The following LMO7 variants were observed in gnomAD, a reference collection of about 807,000 sequenced individuals.
The protein encoded by LMO7 is LIM domain 7, also known as LIM domain only protein 7.
In LMO7, 120 loss-of-function variants were observed where a neutral mutation model predicts 206.5. That is an observed-to-expected ratio of 0.58 (90% CI 0.50 to 0.68). The LOEUF is 0.68. Ranked by LOEUF, LMO7 falls within the 30% of genes least tolerant of loss-of-function variation. The pLI, the probability that LMO7 is intolerant of heterozygous loss-of-function variation, is 0.00. For missense variants in LMO7, 1,959 were observed against 1,957.9 expected, an observed-to-expected ratio of 1.00 and a Z score of -0.01; for synonymous variants, 706 against 681.5, an observed-to-expected ratio of 1.04 and a Z score of -0.56.
chr13:75,809,922 C>G (rs1401909198), intron 11 of LMO7, among the ~76,000 whole-genome samples: 1 of 150,618 alleles, frequency 6.6e-6, no homozygotes, highest in Non-Finnish European at 1.5e-5. Context: ...ACTTCCACCT[C>G]CCAGGTTCAA....
At chr13:75,678,301 C>G (rs1229048184) in intron 1 of LMO7, among the ~76,000 whole-genome samples, 1 of 152,192 alleles carries the variant, frequency 6.6e-6, no homozygotes, top group African/African-American at 2.4e-5. Flanking sequence ...TCTCCAGCAC[C>G]TGTTGTTTCC....
At chr13:75,773,638 G>A (rs1354953859) in intron 4 of LMO7, among the ~76,000 whole-genome samples, 1 of 152,166 alleles carries the variant, frequency 6.6e-6, no homozygotes, top group African/African-American at 2.4e-5. Context: ...TAGCGTTTGA[G>A]CTGTGCAACC....
At chr13:75,855,454 C>T in intron 29 of LMO7, 86 bp downstream of exon 29, 2 of 734,544 alleles carry the variant, frequency 2.7e-6, no homozygotes, top group South Asian at 1.8e-5. Flanking sequence ...TGTAGATGTG[C>T]CACTAACAAG....
chr13:75,697,347 G>T (rs974335017), intron 1 of LMO7, among the ~76,000 whole-genome samples: 21 of 152,148 alleles, frequency 1.4e-4, no homozygotes, highest in African/African-American at 5.1e-4. Flanking sequence ...CTACATGGCT[G>T]GGGAGGCCTC....
intron 30 of LMO7, chr13:75,856,990 ATTATT>A (rs1308114586): frequency 6.3e-6 from 1 of 158,524 alleles, no homozygotes; most frequent in Non-Finnish European, 1.4e-5. Context: ...ATCAACTTCT[ATTATT>A]TAACAATGGG....
At chr13:75,726,233 C>G (rs1470943531) in intron 2 of LMO7, among the ~76,000 whole-genome samples, 1 of 151,894 alleles carries the variant, frequency 6.6e-6, no homozygotes, top group East Asian at 1.9e-4. Context: ...TCTACGCAAC[C>G]TGGCACAGTG....
At chr13:75,776,987 T>C (rs1329627327) in intron 4 of LMO7, among the ~76,000 whole-genome samples, 13 of 152,174 alleles carry the variant, frequency 8.5e-5, no homozygotes, top group South Asian at 6.2e-4. Flanking sequence ...GGCAGTCCTT[T>C]TGCATGTGAG....
chr13:75,750,230 A>T (rs2047163711), intron 3 of LMO7, among the ~76,000 whole-genome samples: 2 of 152,184 alleles, frequency 1.3e-5, no homozygotes, highest in Admixed American at 6.5e-5. Context: ...ACTTTTGGTG[A>T]TCTAATAGTA....
At chr13:75,639,132 C>T (rs903094124) in intron 1 of LMO7, among the ~76,000 whole-genome samples, 1 of 152,112 alleles carries the variant, frequency 6.6e-6, no homozygotes, top group African/African-American at 2.4e-5. Context: ...GTCAGCATCT[C>T]CTTGTCATTT....
intron 1 of LMO7, among the ~76,000 whole-genome samples, chr13:75,683,890 A>G (rs1389291394): frequency 1.3e-5 from 2 of 152,218 alleles, no homozygotes; most frequent in African/African-American, 4.8e-5. Flanking sequence ...GAATGCCTGA[A>G]TGATGATAAG....
Position 75,800,845 on chromosome 13 carries a change from C to A in LMO7, c.624C>A (p.Ser208Arg), listed in dbSNP as rs755287300. ...LDSLGSRSLTSCSSDITLRGG... is the reference protein window; with the variant it reads ...LDSLGSRSLTRCSSDITLRGG... ...CTTTGGGCTCGAGGTCATTGACAAG[C>A]TGCTCCTCTGATATCACGTTGAGAG... The change falls in exon 7 of 31, where the codon AGC becomes AGA. Residue 208 changes from serine (S) to arginine (R), a missense_variant. By Grantham distance (110) the Ser-to-Arg change is moderately radical (BLOSUM62 -1). Coordinates refer to ENST00000377534, the MANE Select transcript of LMO7 (RefSeq NM_001306080.2). 1 of 1,613,956 alleles carries A rather than the reference C, an allele frequency of 6.2e-7. No individual in the cohort carries two copies. The highest frequency in any genetic ancestry group is 8.5e-7 in the Non-Finnish European group (1 of 1,179,882).
Position 75,820,732 on chromosome 13 carries a change from T to C in LMO7, c.2208-445T>C, listed in dbSNP as rs367902585. Among the ~76,000 whole-genome samples, 69 of 152,318 alleles carry C rather than the reference T, an allele frequency of 4.5e-4. No homozygotes were observed. The Middle Eastern group carries it at 0.027, about 60-fold the overall frequency. On this transcript the variant is annotated intron_variant, in intron 13 of 30. Transcript: ENST00000377534. ...ACATCTTGCTGGGCATGGTGGCTCA[T>C]GCCTGTAATCCCAGCACTTTGGGAG... is the stretch of plus-strand genomic sequence containing the variant.
At chr13:75,837,366 G>T (rs570966002) in intron 19 of LMO7, among the ~76,000 whole-genome samples, 5 of 152,112 alleles carry the variant, frequency 3.3e-5, no homozygotes, top group Non-Finnish European at 7.3e-5. Flanking sequence ...GTCCTATTCC[G>T]CAGTGACTCA....
chr13:75,627,656 A>G (rs2034381560), intron 2 of LMO7: 1 of 152,174 alleles, frequency 6.6e-6, no homozygotes, highest in Non-Finnish European at 1.5e-5. Flanking sequence ...GACTATTTTT[A>G]TCTTTGATTA....
At chr13:75,849,670 AGTT>A (rs1360249420) in intron 27 of LMO7, among the ~76,000 whole-genome samples, 1 of 152,126 alleles carries the variant, frequency 6.6e-6, no homozygotes, top group Admixed American at 6.6e-5. Flanking sequence ...AACAAATAGA[AGTT>A]TCATATTTTT....
intron 1 of LMO7, among the ~76,000 whole-genome samples, chr13:75,650,255 G>A (rs149868540): frequency 0.03 from 4,573 of 152,144 alleles, 117 homozygotes; most frequent in Non-Finnish European, 0.044. Context: ...TCAGCCTCCT[G>A]AGTAGCTGGG....
intron 2 of LMO7, among the ~76,000 whole-genome samples, chr13:75,720,108 A>T (rs772884493): frequency 1.3e-5 from 2 of 152,100 alleles, no homozygotes; most frequent in African/African-American, 2.4e-5. Flanking sequence ...GCATCTTTTC[A>T]TGTCCTTATT....
intron 12 of LMO7, among the ~76,000 whole-genome samples, chr13:75,818,438 A>T (rs2138270632): frequency 6.6e-6 from 1 of 152,174 alleles, no homozygotes; most frequent in African/African-American, 2.4e-5. Flanking sequence ...TTTGGACTGG[A>T]ATGCCACTAA....
intron 3 of LMO7, among the ~76,000 whole-genome samples, chr13:75,752,573 A>G (rs2047359727): frequency 6.6e-6 from 1 of 152,174 alleles, no homozygotes; most frequent in African/African-American, 2.4e-5. Flanking sequence ...GCGGCCTCCC[A>G]TCATCCACCC....
Sources: gnomAD v4.1 joint callset for allele counts (sites outside exome capture counted in the v4.1 genomes callset) on GRCh38, gnomAD v4.1.1 for gene constraint, MANE v1.5 for transcripts, NCBI Gene and HGNC (gene_info 2026-07-23, HGNC 2026-07-21) for gene names.